HERC1: variants seen among roughly 807,000 people sequenced by gnomAD.
The protein encoded by HERC1 is probable E3 ubiquitin-protein ligase HERC1.
Under a neutral mutation model 554.3 loss-of-function variants are expected in HERC1, and 160 were observed. The observed-to-expected ratio is 0.29, with a 90% CI of 0.25 to 0.33. The LOEUF (loss-of-function observed/expected upper bound fraction) is 0.33, where lower values mean the gene tolerates loss of function less well. Ranked by LOEUF, HERC1 falls within the 10% of genes least tolerant of loss-of-function variation. HERC1 has a pLI of 1.00. For missense variants in HERC1, 4,919 were observed against 5,918.5 expected (o/e 0.83, Z 5.54); for synonymous variants, 2,175 against 2,131.7 (o/e 1.02, Z -0.56).
chr15:63,630,719 C>T, intron 68 of HERC1, 84 bp from the exon 69 acceptor site: 2 of 1,380,364 alleles, frequency 1.4e-6, no homozygotes, highest in Non-Finnish European at 2.0e-6. Flanking sequence ...AGTCATTTAG[C>T]TTATTATGGT....
chr15:63,654,444 C>A (rs191713296), intron 50 of HERC1, 120 bp from the exon 51 acceptor site: 2 of 698,118 alleles, frequency 2.9e-6, no homozygotes, highest in African/African-American at 3.6e-5. Flanking sequence ...AATGGGTTAA[C>A]CCATATCTTT....
Position 63,734,777 on chromosome 15 carries a change from G to T in HERC1, c.2593C>A (p.His865Asn), listed in dbSNP as rs1186416974. Residue 865 changes from histidine to asparagine, a missense_variant, in exon 13 of 78, where the codon CAT (histidine) becomes AAT (asparagine). Physicochemically the swap from His to Asn is moderately conservative, Grantham distance 68. Transcript: ENST00000443617. The surrounding 1 kb of genome is among the most constrained non-coding windows in gnomAD (Gnocchi z 4.6). ...TCAGGTCCTTGAGGTAAAAGAGAAT[G>T]AAGTAATTCCATCCGTTCTCGTAAT... Reference protein sequence around the residue: ...PPLRERMELLHSLLPQGPDRW... With the variant: ...PPLRERMELLNSLLPQGPDRW... The T allele has an allele frequency of 6.3e-7, 1 of 1,598,922 alleles. No homozygotes were observed. The highest frequency in any genetic ancestry group is 2.3e-5 in the East Asian group (1 of 44,004).
At chr15:63,637,215 A>T in intron 64 of HERC1, 4 of 511,548 alleles carry the variant, frequency 7.8e-6, no homozygotes, top group South Asian at 6.4e-5. Context: ...TGCTATTAAC[A>T]TCTGCCTACT....
At chr15:63,747,968 G>A in intron 10 of HERC1, 110 bp from the exon 11 acceptor site, 1 of 1,063,586 alleles carries the variant, frequency 9.4e-7, no homozygotes, top group South Asian at 1.7e-5. Context: ...GCTCATGCCT[G>A]TAATCCTAGC....
In HERC1 at chr15:63,656,168, C is replaced by A; in HGVS notation, c.9790G>T (p.Ala3264Ser). ...SKANKPISCL[A>S]YLSTAVGCLA... ...CATCCCACTGCTGTGCTCAAATAGG[C>A]CAGGCAAGAGATAGGCTTGTTAGCC... Residue 3264 changes from alanine (A) to serine (S), a missense_variant, in exon 49 of 78, where the codon GCC becomes TCC. Coordinates refer to ENST00000443617, the MANE Select transcript of HERC1 (RefSeq NM_003922.4). The A allele has an allele frequency of 6.2e-7, 1 of 1,612,402 alleles. No homozygotes were observed. Among genetic ancestry groups the A allele is most frequent in the Non-Finnish European group, 8.5e-7 (1 of 1,179,172 alleles).
At chr15:63,733,651 C>CA (rs2074385716) in intron 13 of HERC1, among the ~76,000 whole-genome samples, 1 of 150,984 alleles carries the variant, frequency 6.6e-6, no homozygotes, top group African/African-American at 2.4e-5. Context: ...TCCAGGAATT[C>CA]AAGACCAGCC....
At chr15:63,739,417 G>C (rs1000728555) in intron 12 of HERC1, among the ~76,000 whole-genome samples, 6 of 151,388 alleles carry the variant, frequency 4.0e-5, no homozygotes, top group African/African-American at 9.7e-5. Context: ...GGCTGGTCTC[G>C]AACTATTTAT....
Position 63,727,498 on chromosome 15 carries a change from T to A in HERC1, c.3346+149A>T. Reference sequence around the variant, plus strand: ...TTTCCAATAAAATAAGAGGACTTACTTAAATTTGAAAAGCTTTTAAGATTT... The same window carrying A: ...TTTCCAATAAAATAAGAGGACTTACATAAATTTGAAAAGCTTTTAAGATTT... On this transcript the variant is annotated intron_variant, in intron 17 of 77. Coordinates refer to ENST00000443617, the MANE Select transcript of HERC1 (RefSeq NM_003922.4). This position sits in a 1 kb window ranked among gnomAD's most constrained non-coding sequence, Gnocchi z 4.3. 1 of 578,010 alleles carries A rather than the reference T, an allele frequency of 1.7e-6. No individual in the cohort carries two copies. Among genetic ancestry groups the A allele is most frequent in the Non-Finnish European group, 3.0e-6 (1 of 330,862 alleles). The allele number at this position is 578,010 out of a possible 1,614,324, so 35.8% of individuals were successfully genotyped here. A position where few individuals can be genotyped will look rare whatever the true frequency, so the allele number is the denominator to read the frequency against.
At chr15:63,723,036 C>T (rs1296878781) in intron 19 of HERC1, 146 bp downstream of exon 19, 2 of 496,492 alleles carry the variant, frequency 4.0e-6, no homozygotes, top group African/African-American at 4.0e-5. Context: ...AAGGGAAAAA[C>T]AAATTGTTTA....
At chr15:63,737,748 A>G (rs550370332) in intron 12 of HERC1, among the ~76,000 whole-genome samples, 68 of 151,774 alleles carry the variant, frequency 4.5e-4, no homozygotes, top group African/African-American at 1.6e-3. Context: ...GAAATGTGAG[A>G]ACACAAAGGA....
Position 63,680,455 on chromosome 15 carries a change from C to T in HERC1, c.6465+82G>A. ...GAGAGACGAGCAGATAATCTATAAA[C>T]TGAATACGTGGCACTTGAATAACCG... is the stretch of plus-strand genomic sequence containing the variant. On this transcript the variant is annotated intron_variant, in intron 35 of 77. Coordinates refer to ENST00000443617, the MANE Select transcript of HERC1 (RefSeq NM_003922.4). The surrounding 1 kb of genome is among the most constrained non-coding windows in gnomAD (Gnocchi z 5.8). 6.4e-6 allele frequency: 9 copies of T among 1,414,138 alleles called. No homozygotes were observed. The highest frequency in any genetic ancestry group is 8.6e-6 in the Non-Finnish European group (9 of 1,042,468). The allele number at this position is 1,414,138 out of a possible 1,614,324, so 87.6% of individuals were successfully genotyped here.
intron 25 of HERC1, among the ~76,000 whole-genome samples, chr15:63,703,053 T>C (rs1249356837): frequency 7.2e-6 from 1 of 139,730 alleles, no homozygotes. Flanking sequence ...GAGGTTGCAG[T>C]AAGCCGTGAT....
intron 12 of HERC1, among the ~76,000 whole-genome samples, chr15:63,740,124 G>A (rs1003732468): frequency 3.3e-5 from 5 of 152,138 alleles, no homozygotes; most frequent in Middle Eastern, 6.8e-3. Flanking sequence ...TGGCCAGGCT[G>A]GTCTCAAACT....
chr15:63,759,082 AT>A (rs1488478728), intron 3 of HERC1, among the ~76,000 whole-genome samples: 1 of 152,130 alleles, frequency 6.6e-6, no homozygotes, highest in East Asian at 1.9e-4. Context: ...TATATAGGCC[AT>A]TTTTAAGGAT....
intron 12 of HERC1, among the ~76,000 whole-genome samples, chr15:63,737,365 T>C (rs1366856828): frequency 7.2e-6 from 1 of 138,388 alleles, no homozygotes; most frequent in African/African-American, 2.8e-5. Context: ...ATATATATCT[T>C]TTTTCCAGAT....
chr15:63,615,336 C>T (rs1250816739), intron 76 of HERC1, among the ~76,000 whole-genome samples: 4 of 152,188 alleles, frequency 2.6e-5, no homozygotes, highest in African/African-American at 7.2e-5. Context: ...TCACCAAGTG[C>T]GGTGGCTCAC....
At position 63,754,432 on chromosome 15, in the gene HERC1, T is replaced by C. The variant is rs542002543; in HGVS notation, c.1774+73A>G. The C allele has an allele frequency of 3.4e-5, 44 of 1,276,296 alleles. No individual in the cohort carries two copies. The East Asian group carries it at 6.9e-4, about 20-fold the overall frequency. The allele number at this position is 1,276,296 out of a possible 1,614,324, so 79.1% of individuals were successfully genotyped here. On this transcript the variant is annotated intron_variant, in intron 7 of 77. Coordinates refer to ENST00000443617, the MANE Select transcript of HERC1 (RefSeq NM_003922.4). ...TTTGAGTCATTCTACACTAGGCATATATAACTGAAAAATAAATTTTTAAAA... is the reference window on the plus strand; with the variant it reads ...TTTGAGTCATTCTACACTAGGCATACATAACTGAAAAATAAATTTTTAAAA...
At chr15:63,769,966 T>TGTGAGGGGAAAAAA (rs2075899967) in intron 2 of HERC1, among the ~76,000 whole-genome samples, 1 of 152,234 alleles carries the variant, frequency 6.6e-6, no homozygotes, top group African/African-American at 2.4e-5. Flanking sequence ...CTGCTTAAGA[T>TGTGAGGGGAAAAAA]ATTCAAAGAC....
Position 63,661,676 on chromosome 15 carries a change from G to A in HERC1, c.9170+77C>T, listed in dbSNP as rs963452523. On this transcript the variant is annotated intron_variant, in intron 45 of 77. Coordinates refer to ENST00000443617, the MANE Select transcript of HERC1 (RefSeq NM_003922.4). ...GAAGGTTAAATGTAACTCCTCACGTGAAAAATCTACAGTTCCCAAGACTTA... is the reference window on the plus strand; with the variant it reads ...GAAGGTTAAATGTAACTCCTCACGTAAAAAATCTACAGTTCCCAAGACTTA... 32 of 1,472,440 alleles carry A rather than the reference G, an allele frequency of 2.2e-5. No individual in the cohort carries two copies. The African/African-American group carries it at 4.2e-4, about 19-fold the overall frequency. 91.2% of individuals were successfully genotyped at this position (1,472,440 alleles called of 1,614,324 possible). A position where few individuals can be genotyped will look rare whatever the true frequency, so the allele number is the denominator to read the frequency against.
Sources: allele counts gnomAD v4.1 joint callset (sites outside exome capture counted in the v4.1 genomes callset), GRCh38; gene constraint gnomAD v4.1.1; non-coding constraint Gnocchi (gnomAD v3.1); transcripts MANE v1.5; gene names NCBI Gene and HGNC (gene_info 2026-07-23, HGNC 2026-07-21).